Variants in ZNF804A observed in about 807,000 individuals in gnomAD.
ZNF804A encodes the protein zinc finger protein 804A.
Under a neutral mutation model 16.5 loss-of-function variants are expected in ZNF804A, and 2 were observed. The observed-to-expected ratio is 0.12, with a 90% CI of 0.05 to 0.38. ZNF804A has a LOEUF of 0.38. Ranked by LOEUF, ZNF804A falls within the 10% of genes least tolerant of loss-of-function variation. The probability of loss-of-function intolerance (pLI) is 0.99; values close to 1 mark genes in which losing one functional copy is unlikely to be tolerated. For synonymous variants in ZNF804A, 534 were observed against 489.6 expected (o/e 1.09, Z -1.20); for missense variants, 1,473 against 1,390.7 (o/e 1.06, Z -0.94).
intron 1 of ZNF804A, among the ~76,000 whole-genome samples, chr2:184,811,439 A>G (rs1462095990): frequency 1.8e-5 from 1 of 54,630 alleles, no homozygotes; most frequent in African/African-American, 6.9e-5. Flanking sequence ...TACTAAGATT[A>G]TTAGTATCAT....
chr2:184,860,325 G>T (rs1695779514), intron 1 of ZNF804A, among the ~76,000 whole-genome samples: 1 of 152,230 alleles, frequency 6.6e-6, no homozygotes, highest in African/African-American at 2.4e-5. Context: ...AAGTCTTGGG[G>T]CCTGTGTCCA....
chr2:184,680,708 C>A (rs889258818), intron 1 of ZNF804A, among the ~76,000 whole-genome samples: 1 of 152,210 alleles, frequency 6.6e-6, no homozygotes, highest in African/African-American at 2.4e-5. Context: ...GGATGTGGGA[C>A]AATAACTTGG....
At chr2:184,667,763 T>C (rs190827286) in intron 1 of ZNF804A, among the ~76,000 whole-genome samples, 2 of 151,984 alleles carry the variant, frequency 1.3e-5, no homozygotes, top group African/African-American at 4.8e-5. Flanking sequence ...AGAACATATA[T>C]GTTAATTCAC....
intron 1 of ZNF804A, among the ~76,000 whole-genome samples, chr2:184,847,726 T>C (rs1234196624): frequency 6.6e-6 from 1 of 152,096 alleles, no homozygotes; most frequent in Non-Finnish European, 1.5e-5. Context: ...GTTCCCATTT[T>C]CAATGTCAGT....
rs774452079 is a variant in ZNF804A, at chr2:184,938,567, G to A, written c.3171G>A (p.Gln1057=). The change falls in exon 4 of 4, where the codon CAG becomes CAA. Residue 1057 remains glutamine (Q), a synonymous_variant. Coordinates refer to ENST00000302277, the MANE Select transcript of ZNF804A (RefSeq NM_194250.2). ...GTGAGGTCTACCAGCACATTCTGCA[G>A]CCAAACATGCTGGCCAACAAGGTTA... ...VPCEVYQHIL[Q]PNMLANKVKF... The A allele has an allele frequency of 3.1e-6, 5 of 1,614,070 alleles. No individual in the cohort carries two copies. Among genetic ancestry groups the A allele is most frequent in the Admixed American group, 1.7e-5 (1 of 59,996 alleles).
chr2:184,933,926 T>C (rs953680860), intron 3 of ZNF804A, among the ~76,000 whole-genome samples, 193 bp downstream of exon 3: 1 of 152,032 alleles, frequency 6.6e-6, no homozygotes, highest in Non-Finnish European at 1.5e-5. Context: ...TTAATGCACA[T>C]TTCAGTAAAA....
chr2:184,660,066 T>A (rs894665879), intron 1 of ZNF804A, among the ~76,000 whole-genome samples: 1 of 152,260 alleles, frequency 6.6e-6, no homozygotes, highest in African/African-American at 2.4e-5. Flanking sequence ...AGCTATGATC[T>A]TGCCACTGCA....
chr2:184,827,410 A>G (rs1459049724), intron 1 of ZNF804A, among the ~76,000 whole-genome samples: 2 of 147,482 alleles, frequency 1.4e-5, no homozygotes, highest in African/African-American at 2.5e-5. Context: ...ATTTAAATTG[A>G]TAACTTTATA....
At chr2:184,753,618 T>G (rs2105759709) in intron 1 of ZNF804A, among the ~76,000 whole-genome samples, 1 of 151,970 alleles carries the variant, frequency 6.6e-6, no homozygotes, top group East Asian at 1.9e-4. Flanking sequence ...TAGTGTTACC[T>G]GTAGCAGTAA....
intron 2 of ZNF804A, among the ~76,000 whole-genome samples, chr2:184,891,127 TTC>T (rs1684978361): frequency 1.3e-5 from 2 of 152,162 alleles, no homozygotes; most frequent in African/African-American, 4.8e-5. Flanking sequence ...GAAACCTTGT[TTC>T]TGCAGGCTTT....
At chr2:184,866,660 A>T in intron 2 of ZNF804A, 148 bp downstream of exon 2, 2 of 607,218 alleles carry the variant, frequency 3.3e-6, no homozygotes, top group Non-Finnish European at 4.9e-6. Context: ...TGATAATTTG[A>T]TGACTTACAG....
intron 1 of ZNF804A, among the ~76,000 whole-genome samples, chr2:184,664,937 C>T (rs989231198): frequency 2.6e-5 from 4 of 152,038 alleles, no homozygotes; most frequent in Admixed American, 2.0e-4. Flanking sequence ...TAAAAACCAG[C>T]GTAGTATACT....
chr2:184,622,396 A>T (rs1421124288), intron 1 of ZNF804A, among the ~76,000 whole-genome samples: 1 of 151,488 alleles, frequency 6.6e-6, no homozygotes, highest in African/African-American at 2.4e-5. Flanking sequence ...GAACTTAACA[A>T]TGTTCTGATC....
At chr2:184,665,354 C>A (rs143031331) in intron 1 of ZNF804A, among the ~76,000 whole-genome samples, 1 of 152,302 alleles carries the variant, frequency 6.6e-6, no homozygotes, top group East Asian at 1.9e-4. Context: ...TATGATACTT[C>A]TGTGCCTGTA....
intron 2 of ZNF804A, among the ~76,000 whole-genome samples, chr2:184,875,767 A>G: frequency 9.9e-6 from 1 of 100,738 alleles, no homozygotes; most frequent in East Asian, 2.3e-4. Flanking sequence ...CATTGACATT[A>G]AAAAAAAAAA....
intron 2 of ZNF804A, among the ~76,000 whole-genome samples, chr2:184,926,670 TC>T (rs962700075): frequency 1.3e-5 from 2 of 152,120 alleles, no homozygotes; most frequent in African/African-American, 2.4e-5. Flanking sequence ...ATTTTCCGGA[TC>T]CTGTAGGTGT....
At chr2:184,669,020 T>C (rs1692298580) in intron 1 of ZNF804A, among the ~76,000 whole-genome samples, 2 of 152,012 alleles carry the variant, frequency 1.3e-5, no homozygotes, top group South Asian at 2.1e-4. Context: ...TTCAAATATA[T>C]AGTACTCACT....
chr2:184,703,281 A>G (rs1426757826), intron 1 of ZNF804A, among the ~76,000 whole-genome samples: 3 of 152,234 alleles, frequency 2.0e-5, no homozygotes, highest in East Asian at 1.9e-4. Flanking sequence ...AACCTAGTAT[A>G]AATGGAATCT....
At chr2:184,844,236 G>A (rs1299630045) in intron 1 of ZNF804A, among the ~76,000 whole-genome samples, 1 of 150,802 alleles carries the variant, frequency 6.6e-6, no homozygotes, top group African/African-American at 2.4e-5. Context: ...GATATAATCA[G>A]CCACTTCATT....
Sources: gnomAD v4.1 joint callset for allele counts (sites outside exome capture counted in the v4.1 genomes callset) on GRCh38, gnomAD v4.1.1 for gene constraint, MANE v1.5 for transcripts, NCBI Gene and HGNC (gene_info 2026-07-23, HGNC 2026-07-21) for gene names.